NEB: variants seen among roughly 807,000 people sequenced by gnomAD.
NEB encodes nemaline myopathy type 2.
Under a neutral mutation model 952.2 loss-of-function variants are expected in NEB, and 512 were observed. That is an observed-to-expected ratio of 0.54 (90% CI 0.50 to 0.58). The LOEUF is 0.58. Ranked by LOEUF, NEB falls within the 20% of genes least tolerant of loss-of-function variation. The probability of loss-of-function intolerance (pLI) is 0.00; values close to 1 mark genes in which losing one functional copy is unlikely to be tolerated. For missense variants in NEB, 8,428 were observed against 9,231.1 expected, an observed-to-expected ratio of 0.91 and a Z score of 3.56; for synonymous variants, 2,900 against 3,149.8, an observed-to-expected ratio of 0.92 and a Z score of 2.66.
intron 65 of NEB, 75 bp downstream of exon 65, chr2:151,633,579 T>C (rs942453135): frequency 2.0e-6 from 3 of 1,503,988 alleles, no homozygotes; most frequent in Non-Finnish European, 2.7e-6. Context: ...GAGTAATGGA[T>C]TGTATATAAA....
intron 54 of NEB, 22 bp from the exon 55 acceptor site, chr2:151,646,256 T>C (rs1179687740): frequency 6.6e-7 from 1 of 1,515,504 alleles, no homozygotes; most frequent in Non-Finnish European, 9.0e-7. Flanking sequence ...AATAATAATT[T>C]TTCAGTGGTG....
At chr2:151,506,345 G>C (rs1452460794) in intron 163 of NEB, 87 bp from the exon 164 acceptor site, 3 of 970,438 alleles carry the variant, frequency 3.1e-6, no homozygotes, top group African/African-American at 3.3e-5. Flanking sequence ...CATGGCTTTT[G>C]TGAAAACAAG....
intron 28 of NEB, 83 bp downstream of exon 28, chr2:151,684,695 G>C: frequency 7.7e-7 from 1 of 1,304,844 alleles, no homozygotes; most frequent in Non-Finnish European, 1.0e-6. Flanking sequence ...CCTCTAAGAA[G>C]TGCAAAAACC....
chr2:151,523,568 G>C (rs903857436), intron 153 of NEB, among the ~76,000 whole-genome samples: 1 of 152,218 alleles, frequency 6.6e-6, no homozygotes, highest in Admixed American at 6.5e-5. Context: ...CTTGCACTCT[G>C]ATAGGTCTGG....
At position 151,552,782 on chromosome 2, in the gene NEB, G is replaced by A. The variant is rs11894996; in HGVS notation, c.19732-6C>T. ...ATGTGAGCTTTATACTTGATCTGCCGAGAGGAAGAAAACAAGCCCATGTTG... is the reference window on the plus strand; with the variant it reads ...ATGTGAGCTTTATACTTGATCTGCCAAGAGGAAGAAAACAAGCCCATGTTG... On this transcript the variant is annotated splice_region_variant and splice_polypyrimidine_tract_variant and intron_variant, in intron 127 of 181. Transcript: ENST00000397345. 34,153 of 1,603,208 alleles carry A rather than the reference G, an allele frequency of 0.021. 430 individuals are homozygous for A. The highest frequency in any genetic ancestry group is 0.039 in the African/African-American group (2,935 of 74,838).
intron 2 of NEB, 121 bp from the exon 3 acceptor site, chr2:151,733,306 C>A: frequency 1.4e-6 from 1 of 715,228 alleles, no homozygotes; most frequent in Non-Finnish European, 2.3e-6. Flanking sequence ...TATATTGTTG[C>A]AGGCTAAAGG....
At chr2:151,495,532 T>G (rs2059616755) in intron 173 of NEB, among the ~76,000 whole-genome samples, 1 of 152,178 alleles carries the variant, frequency 6.6e-6, no homozygotes, top group African/African-American at 2.4e-5. Flanking sequence ...CAAGGTTGTT[T>G]GCTACTGAAA....
At chr2:151,698,673 TGTTGC>T (rs2099618042) in intron 13 of NEB, among the ~76,000 whole-genome samples, 1 of 148,268 alleles carries the variant, frequency 6.7e-6, no homozygotes, top group East Asian at 2.0e-4. Flanking sequence ...AGTCTCCCTC[TGTTGC>T]CCAGGCTGGA....
chr2:151,711,165 A>G (rs1427950556), intron 10 of NEB, among the ~76,000 whole-genome samples: 3 of 152,176 alleles, frequency 2.0e-5, no homozygotes, highest in African/African-American at 7.2e-5. Context: ...AGAACCCAAC[A>G]CAAAATGCAG....
intron 10 of NEB, among the ~76,000 whole-genome samples, chr2:151,713,759 A>G (rs78430905): frequency 0.027 from 4,101 of 152,222 alleles, 202 homozygotes; most frequent in African/African-American, 0.094. Context: ...CTGTTCATCT[A>G]TGTTAGAGCT....
chr2:151,529,428 C>T (rs574293654), intron 145 of NEB, 114 bp from the exon 146 acceptor site: 33 of 717,792 alleles, frequency 4.6e-5, no homozygotes, highest in Middle Eastern at 3.0e-4. Context: ...CTCCTTAAGA[C>T]GGAATTTTAA....
At chr2:151,506,017 C>T (rs549927406) in intron 164 of NEB, 149 bp downstream of exon 164, 10 of 729,024 alleles carry the variant, frequency 1.4e-5, no homozygotes, top group Admixed American at 9.9e-5. Context: ...TGAGATGACT[C>T]TAGCCACTGT....
At chr2:151,632,719 T>C (rs1050779475) in intron 65 of NEB, among the ~76,000 whole-genome samples, 7 of 151,062 alleles carry the variant, frequency 4.6e-5, no homozygotes, top group Non-Finnish European at 1.0e-4. Context: ...TAACAGTTTA[T>C]ACCTCCAGAA....
chr2:151,489,565 T>A (rs911214848), intron 181 of NEB, among the ~76,000 whole-genome samples: 3 of 152,060 alleles, frequency 2.0e-5, no homozygotes, highest in African/African-American at 7.2e-5. Flanking sequence ...CCTGGCTAAT[T>A]TTTTGGTTTT....
rs2098957066 is a variant in NEB, at chr2:151,646,312, G to C, written c.7432-78C>G. 5.1e-6 allele frequency: 5 copies of C among 981,416 alleles called. No homozygotes were observed. In the East Asian group the frequency reaches 1.3e-4, roughly 26 times the overall value. The allele number at this position is 981,416 out of a possible 1,614,324, so 60.8% of individuals were successfully genotyped here. ...ACAGTTGGCTTCAAACAGAATTGCT[G>C]AATTTATCTGAATTAAACATTATAC... is the stretch of plus-strand genomic sequence containing the variant. On this transcript the variant is annotated intron_variant, in intron 54 of 181. Transcript: ENST00000397345.
At position 151,546,308 on chromosome 2, in the gene NEB, C is replaced by CG. The variant is rs11436329; in HGVS notation, c.20466+36dup. The CG allele has an allele frequency of 8.9e-4, 1,358 of 1,518,602 alleles. 10 individuals are homozygous for CG. The African/African-American group carries it at 0.013, about 14-fold the overall frequency. The allele number at this position is 1,518,602 out of a possible 1,614,324, so 94.1% of individuals were successfully genotyped here. On this transcript the variant is annotated intron_variant, in intron 134 of 181. Coordinates refer to ENST00000397345, the MANE Select transcript of NEB (RefSeq NM_001164508.2). Reference sequence around the variant, plus strand: ...CTGGTGATGGGGGCATCCAGCTGTGCGGGGGGTAATTATGCATTGTGATGA... The same window carrying CG: ...CTGGTGATGGGGGCATCCAGCTGTGCGGGGGGGTAATTATGCATTGTGATGA...
chr2:151,687,770 C>T (rs2099514296), intron 25 of NEB, 37 bp from the exon 26 acceptor site: 1 of 1,523,878 alleles, frequency 6.6e-7, no homozygotes, highest in East Asian at 2.4e-5. Flanking sequence ...ATGATAAGAA[C>T]AACAGTGTAA....
chr2:151,671,255 A>C, intron 37 of NEB, 26 bp from the exon 38 acceptor site: 2 of 1,568,838 alleles, frequency 1.3e-6, no homozygotes, highest in Non-Finnish European at 1.8e-6. Context: ...CTAATATGAG[A>C]AGATACCCTG....
intron 73 of NEB, among the ~76,000 whole-genome samples, 177 bp downstream of exon 73, chr2:151,619,274 G>T (rs1386153482): frequency 6.6e-6 from 1 of 152,170 alleles, no homozygotes; most frequent in East Asian, 1.9e-4. Flanking sequence ...CTCCTACAGA[G>T]AACTTTTGGA....
Sources: gnomAD v4.1 joint callset for allele counts (sites outside exome capture counted in the v4.1 genomes callset) on GRCh38, gnomAD v4.1.1 for gene constraint, MANE v1.5 for transcripts, NCBI Gene and HGNC (gene_info 2026-07-23, HGNC 2026-07-21) for gene names.